Variants in RBFOX1 observed in about 807,000 individuals in gnomAD.
RBFOX1 encodes RNA binding protein fox-1 homolog 1.
Under a neutral mutation model 57.7 loss-of-function variants are expected in RBFOX1, and 8 were observed. That is an observed-to-expected ratio of 0.14 (90% CI 0.08 to 0.25). The LOEUF is 0.25. RBFOX1 is among the 10% of genes least tolerant of loss of function. The probability of loss-of-function intolerance (pLI) is 1.00; values close to 1 mark genes in which losing one functional copy is unlikely to be tolerated. For synonymous variants in RBFOX1, 326 were observed against 222.4 expected, an observed-to-expected ratio of 1.47 and a Z score of -4.15; for missense variants, 611 against 548.5, an observed-to-expected ratio of 1.11 and a Z score of -1.14.
intron 4 of RBFOX1, among the ~76,000 whole-genome samples, chr16:7,250,067 C>T (rs1342219905): frequency 1.3e-5 from 2 of 152,134 alleles, no homozygotes; most frequent in Non-Finnish European, 2.9e-5. Flanking sequence ...ATCCCTCCCC[C>T]TTTTTTTCCC....
At chr16:7,689,710 C>G (rs2076913848) in intron 14 of RBFOX1, among the ~76,000 whole-genome samples, 1 of 151,848 alleles carries the variant, frequency 6.6e-6, no homozygotes, top group South Asian at 2.1e-4. Flanking sequence ...TAGGGGCCAA[C>G]TCAAAGAAAA....
chr16:7,103,654 CAT>C (rs750818682), intron 4 of RBFOX1, among the ~76,000 whole-genome samples: 2 of 152,114 alleles, frequency 1.3e-5, no homozygotes, highest in South Asian at 4.1e-4. Flanking sequence ...TTGTTAAGTA[CAT>C]GTCTTGTTTA....
chr16:5,715,310 A>G (rs909612508), intron 3 of RBFOX1, among the ~76,000 whole-genome samples: 2 of 152,192 alleles, frequency 1.3e-5, no homozygotes, highest in African/African-American at 4.8e-5. Flanking sequence ...GTGGGTGTCC[A>G]CTGGGCTCCT....
chr16:5,514,464 C>A (rs894420670), intron 2 of RBFOX1, among the ~76,000 whole-genome samples: 6 of 152,096 alleles, frequency 3.9e-5, no homozygotes, highest in Non-Finnish European at 7.3e-5. Flanking sequence ...ATAAGGCCAG[C>A]CCAGATTTAA....
At chr16:7,352,126 C>A (rs73565841) in intron 4 of RBFOX1, among the ~76,000 whole-genome samples, 5,017 of 152,228 alleles carry the variant, frequency 0.033, 182 homozygotes, top group African/African-American at 0.089. Context: ...CAAAGCACCC[C>A]ACGGCAGAAA....
chr16:7,063,958 C>T (rs1876232817), intron 4 of RBFOX1, among the ~76,000 whole-genome samples: 1 of 152,094 alleles, frequency 6.6e-6, no homozygotes, highest in South Asian at 2.1e-4. Flanking sequence ...AGTCTTGACA[C>T]CAAGGTCCAT....
At chr16:7,641,939 C>G (rs957820662) in intron 11 of RBFOX1, among the ~76,000 whole-genome samples, 1 of 152,064 alleles carries the variant, frequency 6.6e-6, no homozygotes, top group African/African-American at 2.4e-5. Context: ...TCAGAAGCCA[C>G]CTTCTCCAGG....
At chr16:6,963,207 A>G (rs551616433) in intron 3 of RBFOX1, among the ~76,000 whole-genome samples, 4 of 151,880 alleles carry the variant, frequency 2.6e-5, no homozygotes, top group Admixed American at 6.6e-5. Context: ...TCATGCCATA[A>G]TTTTCTGTAA....
chr16:7,691,427 G>A (rs982372909), intron 14 of RBFOX1, among the ~76,000 whole-genome samples: 2 of 140,842 alleles, frequency 1.4e-5, no homozygotes. Context: ...GAGAAAGAAC[G>A]GAAAGAAAAC....
chr16:6,493,783 A>G (rs1167086218), intron 2 of RBFOX1, among the ~76,000 whole-genome samples: 1 of 152,170 alleles, frequency 6.6e-6, no homozygotes. Flanking sequence ...TGCTTCAGAA[A>G]CCTGTGCACT....
intron 3 of RBFOX1, among the ~76,000 whole-genome samples, chr16:5,757,675 C>A (rs150157917): frequency 6.6e-6 from 1 of 152,266 alleles, no homozygotes; most frequent in Non-Finnish European, 1.5e-5. Flanking sequence ...CAGATTGCCA[C>A]ATGCTTGTGA....
chr16:7,480,898 G>A (rs565789495), intron 4 of RBFOX1, among the ~76,000 whole-genome samples: 1 of 152,298 alleles, frequency 6.6e-6, no homozygotes, highest in South Asian at 2.1e-4. Flanking sequence ...GGGGATGCGA[G>A]GGACCTGGGA....
intron 2 of RBFOX1, among the ~76,000 whole-genome samples, chr16:5,551,729 T>G (rs2045473310): frequency 6.6e-6 from 1 of 152,104 alleles, no homozygotes; most frequent in Non-Finnish European, 1.5e-5. Context: ...CCTATGAGCC[T>G]ATCATCTGGA....
At chr16:6,988,665 G>C (rs1446644792) in intron 3 of RBFOX1, among the ~76,000 whole-genome samples, 1 of 151,100 alleles carries the variant, frequency 6.6e-6, no homozygotes, top group Non-Finnish European at 1.5e-5. Flanking sequence ...CTCTGCCTCA[G>C]CCTCAGCCTC....
chr16:5,445,687 C>T (rs1344370993), intron 1 of RBFOX1, among the ~76,000 whole-genome samples: 1 of 152,188 alleles, frequency 6.6e-6, no homozygotes, highest in East Asian at 1.9e-4. Flanking sequence ...CTGCCTGGAA[C>T]TTAGCAGCCT....
At chr16:5,573,483 T>C (rs2046352552) in intron 2 of RBFOX1, among the ~76,000 whole-genome samples, 1 of 152,200 alleles carries the variant, frequency 6.6e-6, no homozygotes, top group African/African-American at 2.4e-5. Flanking sequence ...GACATTGTAT[T>C]GTAGTATGCA....
At chr16:7,570,745 C>G (rs921257868) in intron 5 of RBFOX1, among the ~76,000 whole-genome samples, 1 of 152,092 alleles carries the variant, frequency 6.6e-6, no homozygotes, top group African/African-American at 2.4e-5. Context: ...GGGTATATAC[C>G]AAAGGAATAT....
In RBFOX1 at chr16:6,214,500, G is replaced by A. The variant is rs2097318918; in HGVS notation, c.-126-102495G>A. On this transcript the variant is annotated intron_variant, in intron 1 of 15. Transcript: ENST00000550418. ...GGAGAGGGGGAGAGGGAGACAGGGA[G>A]AGAGGGAAAAGTGGAGAGGAAGAGA... 3.0e-5 allele frequency among the ~76,000 whole-genome samples: 4 copies of A among 135,378 alleles called. No individual in the cohort carries two copies. In the South Asian group the frequency reaches 8.0e-4, roughly 27 times the overall value. The allele number at this position is 135,378 out of a possible 152,430, so 88.8% of individuals were successfully genotyped here.
intron 1 of RBFOX1, among the ~76,000 whole-genome samples, chr16:6,276,291 C>T: frequency 6.6e-6 from 1 of 152,184 alleles, no homozygotes; most frequent in South Asian, 2.1e-4. Context: ...GTTTTTTGTC[C>T]TCCCAGCTTG....
Sources: allele counts gnomAD v4.1 joint callset (sites outside exome capture counted in the v4.1 genomes callset), GRCh38; gene constraint gnomAD v4.1.1; transcripts MANE v1.5; gene names NCBI Gene and HGNC (gene_info 2026-07-23, HGNC 2026-07-21).